The following CHST9 variants were observed in gnomAD, a reference collection of about 807,000 sequenced individuals.
The protein encoded by CHST9 is carbohydrate sulfotransferase 9.
Under a neutral mutation model 44.4 loss-of-function variants are expected in CHST9, and 41 were observed. The observed-to-expected ratio is 0.92, with a 90% CI of 0.72 to 1.20. The LOEUF (loss-of-function observed/expected upper bound fraction) is 1.20, where lower values mean the gene tolerates loss of function less well. Among genes scored for constraint, CHST9 ranks in the 50% most tolerant of loss-of-function variants. The pLI is 0.00. For synonymous variants in CHST9, 171 were observed against 178.4 expected, an observed-to-expected ratio of 0.96 and a Z score of 0.33; for missense variants, 504 against 516.5, an observed-to-expected ratio of 0.98 and a Z score of 0.23.
At chr18:27,018,439 C>CT (rs1327154020) in intron 4 of CHST9, among the ~76,000 whole-genome samples, 1 of 152,104 alleles carries the variant, frequency 6.6e-6, no homozygotes, top group Non-Finnish European at 1.5e-5. Context: ...ACAGCCCTTT[C>CT]CCTACAAAAG....
chr18:27,020,219 G>C (rs2057208096), intron 4 of CHST9, among the ~76,000 whole-genome samples: 1 of 152,190 alleles, frequency 6.6e-6, no homozygotes, highest in African/African-American at 2.4e-5. Flanking sequence ...TCCTACCCTG[G>C]GAAAGGCAGG....
At chr18:27,048,542 C>T (rs1456193990) in intron 2 of CHST9, 39 bp from the exon 3 acceptor site, 4 of 1,529,860 alleles carry the variant, frequency 2.6e-6, no homozygotes, top group African/African-American at 1.4e-5. Context: ...AGCATGGAGT[C>T]ATGAGAATAT....
intron 3 of CHST9, among the ~76,000 whole-genome samples, chr18:27,027,865 C>A (rs1014764732): frequency 2.6e-5 from 4 of 152,170 alleles, no homozygotes; most frequent in African/African-American, 9.7e-5. Context: ...TTACCACTAT[C>A]TAGCTCACAT....
At chr18:27,106,885 A>G (rs998326818) in intron 2 of CHST9, among the ~76,000 whole-genome samples, 1 of 152,226 alleles carries the variant, frequency 6.6e-6, no homozygotes, top group Non-Finnish European at 1.5e-5. Flanking sequence ...CATCAATAAA[A>G]AGGAAAATAA....
chr18:26,958,206 A>C (rs2056352781), intron 4 of CHST9, among the ~76,000 whole-genome samples: 1 of 151,848 alleles, frequency 6.6e-6, no homozygotes, highest in Non-Finnish European at 1.5e-5. Flanking sequence ...TCTAGTCTTG[A>C]CTTTGCCAGG....
intron 2 of CHST9, among the ~76,000 whole-genome samples, chr18:27,134,627 A>G (rs1377760173): frequency 6.6e-6 from 1 of 152,206 alleles, no homozygotes; most frequent in Non-Finnish European, 1.5e-5. Flanking sequence ...GTTCAGGACC[A>G]GGGTCCTACA....
intron 2 of CHST9, among the ~76,000 whole-genome samples, chr18:27,100,050 T>C (rs1274905076): frequency 2.0e-5 from 3 of 151,988 alleles, no homozygotes; most frequent in Admixed American, 6.6e-5. Flanking sequence ...CACACATATA[T>C]ATACACATAT....
intron 2 of CHST9, among the ~76,000 whole-genome samples, chr18:27,122,787 G>C (rs1239158937): frequency 6.6e-6 from 1 of 152,030 alleles, no homozygotes; most frequent in African/African-American, 2.4e-5. Context: ...GGTTTATTTT[G>C]GTTATCATAT....
chr18:26,942,055 C>T (rs72878940), intron 5 of CHST9, among the ~76,000 whole-genome samples: 13,362 of 148,250 alleles, frequency 0.09, 680 homozygotes, highest in Middle Eastern at 0.16. Flanking sequence ...TGCTCAGCAG[C>T]GCTCCATTTT....
At chr18:27,098,415 C>G (rs928993651) in intron 2 of CHST9, among the ~76,000 whole-genome samples, 1 of 151,944 alleles carries the variant, frequency 6.6e-6, no homozygotes, top group East Asian at 1.9e-4. Flanking sequence ...GGATCTAGAA[C>G]CAGAAATTCC....
At chr18:26,995,779 T>C (rs2056881148) in intron 4 of CHST9, among the ~76,000 whole-genome samples, 2 of 152,198 alleles carry the variant, frequency 1.3e-5, no homozygotes, top group Non-Finnish European at 2.9e-5. Flanking sequence ...ATAACAAACC[T>C]GAAAAGAAAG....
At chr18:27,147,048 T>C (rs1265415316) in intron 1 of CHST9, among the ~76,000 whole-genome samples, 4 of 152,186 alleles carry the variant, frequency 2.6e-5, no homozygotes, top group Middle Eastern at 3.4e-3. Context: ...TTTCCCAGTT[T>C]AGCAGACATT....
chr18:27,058,226 G>A (rs1034472500), intron 2 of CHST9, among the ~76,000 whole-genome samples: 1 of 152,194 alleles, frequency 6.6e-6, no homozygotes, highest in East Asian at 1.9e-4. Flanking sequence ...TCTGAGCATT[G>A]AACGTGTTTC....
intron 4 of CHST9, among the ~76,000 whole-genome samples, chr18:26,978,404 T>G (rs2145186158): frequency 6.6e-6 from 1 of 152,302 alleles, no homozygotes; most frequent in African/African-American, 2.4e-5. Flanking sequence ...TTTATTAAGT[T>G]TATTAAGTAT....
chr18:26,918,324 T>C (rs2055576136), intron 5 of CHST9, among the ~76,000 whole-genome samples: 1 of 152,090 alleles, frequency 6.6e-6, no homozygotes, highest in Non-Finnish European at 1.5e-5. Context: ...TGGAGAGGAA[T>C]GGACTGGATA....
chr18:27,152,951 T>C (rs1339072819), intron 1 of CHST9, among the ~76,000 whole-genome samples: 2 of 152,320 alleles, frequency 1.3e-5, no homozygotes, highest in Admixed American at 6.5e-5. Context: ...TTGTCGTAAT[T>C]AATCATGTAA....
chr18:27,121,305 T>A (rs1353510207), intron 2 of CHST9, among the ~76,000 whole-genome samples: 1 of 152,166 alleles, frequency 6.6e-6, no homozygotes, highest in East Asian at 1.9e-4. Flanking sequence ...ATGCCTGGCA[T>A]CAGCTACTGT....
At chr18:27,113,659 T>C (rs984962291) in intron 2 of CHST9, among the ~76,000 whole-genome samples, 24 of 152,168 alleles carry the variant, frequency 1.6e-4, no homozygotes. Flanking sequence ...ATCTCTGAGC[T>C]AGAAAACAGC....
chr18:26,970,371 A>G (rs934570781), intron 4 of CHST9, among the ~76,000 whole-genome samples: 4 of 152,198 alleles, frequency 2.6e-5, no homozygotes, highest in African/African-American at 9.7e-5. Flanking sequence ...ACAATTCTAA[A>G]TGCTGTATGT....
Sources: allele counts gnomAD v4.1 joint callset (sites outside exome capture counted in the v4.1 genomes callset), GRCh38; gene constraint gnomAD v4.1.1; transcripts MANE v1.5; gene names NCBI Gene and HGNC (gene_info 2026-07-23, HGNC 2026-07-21).